Variants in CHIA observed in about 807,000 individuals in gnomAD.
The protein encoded by CHIA is chitinase acidic, also known as acidic mammalian chitinase.
A neutral mutation model predicts 53.5 loss-of-function variants in CHIA; 47 were observed. That is an observed-to-expected ratio of 0.88 (90% CI 0.70 to 1.12). CHIA has a LOEUF of 1.12. Ranked by LOEUF, CHIA falls within the 50% of genes most tolerant of loss-of-function variation. CHIA has a pLI of 0.00. For synonymous variants in CHIA, 268 were observed against 222.2 expected (o/e 1.21, Z -1.83); for missense variants, 652 against 592.2 (o/e 1.10, Z -1.05).
chr1:111,312,098 A>G, intron 3 of CHIA, 92 bp from the exon 4 acceptor site: 1 of 943,302 alleles, frequency 1.1e-6, no homozygotes, highest in Non-Finnish European at 1.7e-6. Context: ...CATCTGAGGC[A>G]CAGGGAGGGA....
intron 1 of CHIA, among the ~76,000 whole-genome samples, chr1:111,302,967 G>T (rs1297855891): frequency 1.3e-5 from 2 of 151,964 alleles, no homozygotes; most frequent in African/African-American, 2.4e-5. Context: ...GTAATTGTTC[G>T]ATTCTTGCTG....
At chr1:111,316,041 G>A in intron 6 of CHIA, 1 of 316,866 alleles carries the variant, frequency 3.2e-6, no homozygotes, top group Non-Finnish European at 6.3e-6. Context: ...AACAAGGAAA[G>A]AGGGTAACTA....
At chr1:111,310,107 T>G (rs1648541834) in intron 1 of CHIA, among the ~76,000 whole-genome samples, 1 of 152,232 alleles carries the variant, frequency 6.6e-6, no homozygotes, top group Admixed American at 6.5e-5. Flanking sequence ...CTTGCTTTGA[T>G]GCCAGACACA....
chr1:111,292,410 C>T (rs1368925657), intron 1 of CHIA, among the ~76,000 whole-genome samples: 3 of 152,148 alleles, frequency 2.0e-5, no homozygotes, highest in African/African-American at 2.4e-5. Context: ...ATATGGCAAC[C>T]TTTGTGCTGG....
chr1:111,296,315 G>C (rs1661334948), intron 1 of CHIA, among the ~76,000 whole-genome samples: 1 of 152,216 alleles, frequency 6.6e-6, no homozygotes, highest in African/African-American at 2.4e-5. Flanking sequence ...AGTAGGGGCT[G>C]ACTGACACCT....
intron 1 of CHIA, among the ~76,000 whole-genome samples, chr1:111,304,299 G>A (rs935023533): frequency 6.6e-6 from 1 of 152,044 alleles, no homozygotes; most frequent in South Asian, 2.1e-4. Context: ...GAAGTGTTAG[G>A]CCATTATCTT....
Position 111,320,461 on chromosome 1 carries a change from G to A in CHIA, c.1426G>A (p.Ala476Thr), listed in dbSNP as rs146040153. 3.8e-5 allele frequency: 62 copies of A among 1,613,678 alleles called. No homozygotes were observed. In the African/African-American group the frequency reaches 7.6e-4, roughly 20 times the overall value. Residue 476 changes from alanine (A) to threonine (T), a missense_variant, in exon 12 of 12, where the codon GCA becomes ACA. Ala to Thr is a moderately conservative substitution (Grantham distance 58). Coordinates refer to ENST00000369740, the MANE Select transcript of CHIA (RefSeq NM_201653.4). ...CACCAGCTGTGATTGCTGCAACTGG[G>A]CATAAACCTGACCTGGTCTATATTC... ...FDTSCDCCNW[A>T]
intron 4 of CHIA, among the ~76,000 whole-genome samples, chr1:111,312,988 T>C (rs1648812511): frequency 6.6e-6 from 1 of 152,082 alleles, no homozygotes. Context: ...GATTTCTGCC[T>C]CTTTTTTAAG....
chr1:111,294,778 A>T (rs1661239147), intron 1 of CHIA, among the ~76,000 whole-genome samples: 1 of 152,162 alleles, frequency 6.6e-6, no homozygotes, highest in South Asian at 2.1e-4. Flanking sequence ...CTTTTTCTGC[A>T]TCAATTGAGA....
At chr1:111,297,949 C>G (rs1647337449) in intron 1 of CHIA, among the ~76,000 whole-genome samples, 1 of 139,952 alleles carries the variant, frequency 7.1e-6, no homozygotes, top group South Asian at 2.4e-4. Context: ...TAATCCTAGT[C>G]TCTGATGAAA....
intron 3 of CHIA, among the ~76,000 whole-genome samples, 172 bp downstream of exon 3, chr1:111,311,890 A>C (rs1175822371): frequency 1.3e-5 from 2 of 152,094 alleles, no homozygotes; most frequent in Non-Finnish European, 2.9e-5. Context: ...TCTGAATTAT[A>C]AACTGGTACT....
At chr1:111,320,563 ATGACTGTCCT>A, downstream of CHIA, 1 of 1,170,454 alleles carries the variant, frequency 8.5e-7, no homozygotes, top group East Asian at 2.4e-5. Flanking sequence ...CAGTCAAAAC[ATGACTGTCCT>A]TGCTTTTAAG....
chr1:111,299,359 A>G (rs1290163309), intron 1 of CHIA, among the ~76,000 whole-genome samples: 1 of 152,244 alleles, frequency 6.6e-6, no homozygotes, highest in Admixed American at 6.5e-5. Flanking sequence ...GGCAAACCAA[A>G]TCTGGCAGCA....
intron 1 of CHIA, among the ~76,000 whole-genome samples, chr1:111,297,705 C>T (rs1375893360): frequency 6.6e-6 from 1 of 151,902 alleles, no homozygotes; most frequent in Admixed American, 6.6e-5. Flanking sequence ...GTAATGACAG[C>T]ATCAAATTCA....
At chr1:111,314,008 T>A (rs1648932516) in intron 4 of CHIA, among the ~76,000 whole-genome samples, 1 of 152,156 alleles carries the variant, frequency 6.6e-6, no homozygotes, top group Non-Finnish European at 1.5e-5. Context: ...TGAGTAAGTG[T>A]TAGTCCCTAC....
intron 1 of CHIA, among the ~76,000 whole-genome samples, chr1:111,299,925 T>C (rs1647567410): frequency 6.6e-6 from 1 of 152,194 alleles, no homozygotes; most frequent in Admixed American, 6.5e-5. Context: ...CAAGCATTCC[T>C]ATACACCAAT....
chr1:111,304,369 A>G (rs1029248556), intron 1 of CHIA, among the ~76,000 whole-genome samples: 1 of 152,052 alleles, frequency 6.6e-6, no homozygotes, highest in Non-Finnish European at 1.5e-5. Flanking sequence ...CCCACAATGT[A>G]TATGTTGGTC....
At chr1:111,310,326 G>A (rs1648560411) in intron 1 of CHIA, 74 bp from the exon 2 acceptor site, 2 of 1,489,474 alleles carry the variant, frequency 1.3e-6, no homozygotes, top group African/African-American at 1.4e-5. Flanking sequence ...TTGGGAGGGT[G>A]TTTGTAGAAG....
intron 9 of CHIA, 68 bp downstream of exon 9, chr1:111,318,746 G>A (rs978163605): frequency 1.1e-4 from 170 of 1,493,576 alleles, no homozygotes; most frequent in Non-Finnish European, 1.5e-4. Context: ...AGAATCTGCT[G>A]AAATCTTGAA....
Sources: allele counts gnomAD v4.1 joint callset (sites outside exome capture counted in the v4.1 genomes callset), GRCh38; gene constraint gnomAD v4.1.1; transcripts MANE v1.5; gene names NCBI Gene and HGNC (gene_info 2026-07-23, HGNC 2026-07-21).